The following FHIT variants were observed in gnomAD, a reference collection of about 807,000 sequenced individuals.
FHIT encodes bis(5'-adenosyl)-triphosphatase.
In FHIT, 19 loss-of-function variants were observed where a neutral mutation model predicts 17.9. The ratio of observed to expected loss-of-function variants is 1.06; its 90% CI spans 0.74 to 1.56. The LOEUF (loss-of-function observed/expected upper bound fraction) is 1.56, where lower values mean the gene tolerates loss of function less well. FHIT is among the 40% of genes most tolerant of loss of function. FHIT has a pLI of 0.00. For synonymous variants in FHIT, 81 were observed against 69.7 expected (o/e 1.16, Z -0.81); for missense variants, 248 against 189.2 (o/e 1.31, Z -1.82).
chr3:61,027,708 C>T (rs1190949374), intron 3 of FHIT, among the ~76,000 whole-genome samples: 2 of 152,130 alleles, frequency 1.3e-5, no homozygotes, highest in African/African-American at 2.4e-5. Context: ...ATATGTATGA[C>T]AGAAAGATGA....
chr3:60,210,699 T>C lies in FHIT; in HGVS notation c.104-196547A>G, dbSNP rs976549939. ...AATGCAATCGAAAACAATACTAATA[T>C]AACATTCCTCACCTATCTGACAGGA... On this transcript the variant is annotated intron_variant, in intron 5 of 9. Transcript: ENST00000492590. 5.3e-5 allele frequency among the ~76,000 whole-genome samples: 8 copies of C among 152,210 alleles called. No homozygotes were observed. In the South Asian group the frequency reaches 1.7e-3, roughly 32 times the overall value.
chr3:60,008,971 T>G (rs1575872576), intron 7 of FHIT, among the ~76,000 whole-genome samples: 1 of 152,210 alleles, frequency 6.6e-6, no homozygotes, highest in Non-Finnish European at 1.5e-5. Context: ...CAAGCCCCAG[T>G]CACAGTATTC....
At chr3:59,980,375 T>C (rs1375300709) in intron 7 of FHIT, among the ~76,000 whole-genome samples, 3 of 152,188 alleles carry the variant, frequency 2.0e-5, no homozygotes, top group Non-Finnish European at 4.4e-5. Flanking sequence ...TTCAAAACTA[T>C]GTATCTATGT....
intron 5 of FHIT, among the ~76,000 whole-genome samples, chr3:60,422,998 A>G (rs897879372): frequency 1.3e-5 from 2 of 152,252 alleles, no homozygotes; most frequent in African/African-American, 4.8e-5. Flanking sequence ...AAATGTTATA[A>G]TATCTTAACT....
chr3:60,079,684 G>A (rs1176880980), intron 5 of FHIT, among the ~76,000 whole-genome samples: 1 of 152,030 alleles, frequency 6.6e-6, no homozygotes, highest in East Asian at 1.9e-4. Context: ...TACGTGGGAA[G>A]GAAATAAATG....
At chr3:60,506,337 C>T (rs993488084) in intron 5 of FHIT, among the ~76,000 whole-genome samples, 4 of 152,116 alleles carry the variant, frequency 2.6e-5, no homozygotes, top group Non-Finnish European at 5.9e-5. Flanking sequence ...TTGTAAACTG[C>T]AACTCCTGAA....
chr3:60,925,221 A>G (rs1181065546), intron 3 of FHIT, among the ~76,000 whole-genome samples: 1 of 152,112 alleles, frequency 6.6e-6, no homozygotes, highest in Non-Finnish European at 1.5e-5. Flanking sequence ...CCACAAAGAT[A>G]CTCCTCGAGA....
chr3:60,790,815 A>G (rs1180901407), intron 4 of FHIT, among the ~76,000 whole-genome samples: 1 of 152,220 alleles, frequency 6.6e-6, no homozygotes, highest in Non-Finnish European at 1.5e-5. Context: ...TCAGTTAACA[A>G]TAGTGTAGCA....
intron 5 of FHIT, among the ~76,000 whole-genome samples, chr3:60,454,200 G>C (rs1559927545): frequency 6.6e-6 from 1 of 151,990 alleles, no homozygotes; most frequent in African/African-American, 2.4e-5. Context: ...CAACCATAAA[G>C]CAACTTCAAG....
chr3:59,986,787 T>TAA (rs1708983551), intron 7 of FHIT, among the ~76,000 whole-genome samples: 36 of 172 alleles, frequency 0.21, 12 homozygotes, highest in South Asian at 0.33. Context: ...TATAAATATA[T>TAA]ATATATAAAT....
chr3:60,414,774 TAGA>T (rs1435484289), intron 5 of FHIT, among the ~76,000 whole-genome samples: 2 of 152,194 alleles, frequency 1.3e-5, no homozygotes, highest in Non-Finnish European at 2.9e-5. Flanking sequence ...CTGTTAATAG[TAGA>T]AGATGTGAGC....
At chr3:60,733,530 T>A (rs1350501490) in intron 4 of FHIT, among the ~76,000 whole-genome samples, 3 of 152,140 alleles carry the variant, frequency 2.0e-5, no homozygotes, top group Non-Finnish European at 4.4e-5. Context: ...TTTCAGTCTT[T>A]TTCACCACTA....
chr3:61,224,233 T>C (rs767780643), intron 1 of FHIT, among the ~76,000 whole-genome samples: 50 of 152,242 alleles, frequency 3.3e-4, no homozygotes, highest in Middle Eastern at 3.2e-3. Flanking sequence ...CTAGTTTTTA[T>C]GTCAATTCAA....
chr3:60,603,242 C>A (rs1268848727), intron 4 of FHIT, among the ~76,000 whole-genome samples: 1 of 152,128 alleles, frequency 6.6e-6, no homozygotes, highest in Non-Finnish European at 1.5e-5. Flanking sequence ...TCTTTAGGAA[C>A]AAATAGCTTT....
intron 8 of FHIT, among the ~76,000 whole-genome samples, chr3:59,874,181 T>C (rs1422700467): frequency 6.6e-6 from 1 of 152,172 alleles, no homozygotes; most frequent in Non-Finnish European, 1.5e-5. Context: ...TTCTACGTCA[T>C]TCTAACCCCA....
intron 4 of FHIT, chr3:60,730,020 A>C (rs1481524938): frequency 2.7e-6 from 1 of 376,210 alleles, no homozygotes; most frequent in African/African-American, 2.2e-5. Flanking sequence ...ACAGTAAACT[A>C]TGAGTTTGGA....
At chr3:61,105,594 T>G (rs1371344541) in intron 2 of FHIT, among the ~76,000 whole-genome samples, 1 of 152,076 alleles carries the variant, frequency 6.6e-6, no homozygotes, top group East Asian at 1.9e-4. Context: ...GTCTGCATAT[T>G]TGGCCCAAAG....
chr3:60,948,320 T>C (rs2107447732), intron 3 of FHIT, among the ~76,000 whole-genome samples: 1 of 152,348 alleles, frequency 6.6e-6, no homozygotes, highest in South Asian at 2.1e-4. Flanking sequence ...TTCTGCCAGA[T>C]GCCAGCCTTG....
chr3:60,432,117 A>G (rs749209690), intron 5 of FHIT, among the ~76,000 whole-genome samples: 1 of 152,098 alleles, frequency 6.6e-6, no homozygotes, highest in Non-Finnish European at 1.5e-5. Context: ...CTGGGACTAC[A>G]GGTACATGCC....
Sources: gnomAD v4.1 joint callset for allele counts (sites outside exome capture counted in the v4.1 genomes callset) on GRCh38, gnomAD v4.1.1 for gene constraint, MANE v1.5 for transcripts, NCBI Gene and HGNC (gene_info 2026-07-23, HGNC 2026-07-21) for gene names.